Variants in TRMT44 observed in about 807,000 individuals in gnomAD.
TRMT44 encodes tRNA methyltransferase 44 homolog, also known as probable tRNA (uracil-O(2)-)-methyltransferase.
In TRMT44, 78 loss-of-function variants were observed where a neutral mutation model predicts 77.3. The ratio of observed to expected loss-of-function variants is 1.01; its 90% CI spans 0.84 to 1.22. TRMT44 has a LOEUF of 1.22. Among genes scored for constraint, TRMT44 ranks in the 50% most tolerant of loss-of-function variants. The probability of loss-of-function intolerance (pLI) is 0.00; values close to 1 mark genes in which losing one functional copy is unlikely to be tolerated. For missense variants in TRMT44, 1,090 were observed against 964.4 expected (o/e 1.13, Z -1.73); for synonymous variants, 391 against 383.3 (o/e 1.02, Z -0.23).
At chr4:8,514,685 A>G in the TRMT44 span, among the ~76,000 whole-genome samples, 1 of 152,150 alleles carries the variant, frequency 6.6e-6, no homozygotes, top group African/African-American at 2.4e-5. Context: ...GAGTGAGGTC[A>G]TGTTCTACAG....
intron 6 of TRMT44, among the ~76,000 whole-genome samples, chr4:8,460,714 G>T (rs950651467): frequency 6.6e-6 from 1 of 151,898 alleles, no homozygotes; most frequent in Admixed American, 6.6e-5. Context: ...CCACCACTAC[G>T]CCTGACTAAT....
chr4:8,474,722 C>A (rs933274060), intron 10 of TRMT44, among the ~76,000 whole-genome samples: 2 of 152,226 alleles, frequency 1.3e-5, no homozygotes, highest in Admixed American at 1.3e-4. Flanking sequence ...TTCCTAGCTT[C>A]CAGCGAGAAC....
rs755347902 is a variant in TRMT44 at position 8,468,225 on chromosome 4, C to T, written c.1806C>T (p.Ala602=). 26 of 1,614,084 alleles carry T rather than the reference C, an allele frequency of 1.6e-5. No homozygotes were observed. The highest frequency in any genetic ancestry group is 9.9e-5 in the South Asian group (9 of 91,086). The part of the protein sequence containing the change: ...REKAERVRNC[A]ALPRDFIDQV... ...AGGCTGAGCGTGTGAGGAACTGTGC[C>T]GCCCTGCCACGAGATTTTATTGACC... is the stretch of plus-strand genomic sequence containing the variant. Residue 602 remains alanine, a synonymous_variant, in exon 9 of 11, where the codon GCC becomes GCT. Coordinates refer to ENST00000389737, the MANE Select transcript of TRMT44 (RefSeq NM_152544.3).
At chr4:8,500,447 G>C in the TRMT44 span, among the ~76,000 whole-genome samples, 1 of 151,114 alleles carries the variant, frequency 6.6e-6, no homozygotes, top group Non-Finnish European at 1.5e-5. Flanking sequence ...TGTGAGCCAA[G>C]ATAATGCCAC....
At chr4:8,466,891 A>C (rs1264087671) in intron 8 of TRMT44, among the ~76,000 whole-genome samples, 1 of 152,202 alleles carries the variant, frequency 6.6e-6, no homozygotes, top group African/African-American at 2.4e-5. Flanking sequence ...TGTGACAGGC[A>C]CTGAGAATTT....
At chr4:8,462,449 G>A (rs532047555) in intron 6 of TRMT44, among the ~76,000 whole-genome samples, 4 of 152,066 alleles carry the variant, frequency 2.6e-5, no homozygotes, top group Non-Finnish European at 5.9e-5. Flanking sequence ...GCTCATGCCT[G>A]TAATCCCAGC....
downstream of TRMT44, among the ~76,000 whole-genome samples, chr4:8,495,810 T>C (rs558252810): frequency 6.6e-6 from 1 of 152,154 alleles, no homozygotes; most frequent in Non-Finnish European, 1.5e-5. Flanking sequence ...CAACCCCTCC[T>C]TTTTTTGCTG....
chr4:8,487,363 CAAG>C (rs1368333876), intron 2 of TRMT44, among the ~76,000 whole-genome samples: 1 of 151,480 alleles, frequency 6.6e-6, no homozygotes, highest in Non-Finnish European at 1.5e-5. Flanking sequence ...AGAGTAGAGA[CAAG>C]GAGGGAAGGG....
At position 8,444,369 on chromosome 4, in the gene TRMT44, G is replaced by T. The variant is rs1006862283; in HGVS notation, c.620-2107G>T. Among the ~76,000 whole-genome samples, 22 of 152,026 alleles carry T rather than the reference G, an allele frequency of 1.4e-4. No homozygotes were observed. Among genetic ancestry groups the T allele is most frequent in the Non-Finnish European group, 3.2e-4 (22 of 67,990 alleles). ...ACACCTAGTATATGATAGTCTAACA[G>T]GGGGATTATAATGAATAATAACTTA... On this transcript the variant is annotated intron_variant, in intron 1 of 10. Transcript: ENST00000389737. The surrounding 1 kb of genome is among the most constrained non-coding windows in gnomAD (Gnocchi z 4.0).
At position 8,444,948 on chromosome 4, in the gene TRMT44, G is replaced by T. The variant is rs1202346821; in HGVS notation, c.620-1528G>T. 1.3e-5 allele frequency among the ~76,000 whole-genome samples: 2 copies of T among 152,158 alleles called. No individual in the cohort carries two copies. Among genetic ancestry groups the T allele is most frequent in the Non-Finnish European group, 2.9e-5 (2 of 68,042 alleles). ...CGACAACAGTGACAGCAGATTTGGG[G>T]TTGCCACACTGGGCAGGGAGGGAGA... On this transcript the variant is annotated intron_variant, in intron 1 of 10. Coordinates refer to ENST00000389737, the MANE Select transcript of TRMT44 (RefSeq NM_152544.3). The surrounding 1 kb of genome is among the most constrained non-coding windows in gnomAD (Gnocchi z 4.0).
intron 6 of TRMT44, 31 bp from the exon 7 acceptor site, chr4:8,463,954 A>T (rs1726345634): frequency 1.9e-6 from 3 of 1,590,014 alleles, no homozygotes; most frequent in Middle Eastern, 3.3e-4. Flanking sequence ...TGATTCACAA[A>T]ACATTTCGTC....
chr4:8,489,147 G>A (rs1727914485), intron 2 of TRMT44, among the ~76,000 whole-genome samples: 1 of 152,220 alleles, frequency 6.6e-6, no homozygotes, highest in Non-Finnish European at 1.5e-5. Flanking sequence ...CCTGGCTCCT[G>A]CAGTGCCCTG....
At chr4:8,450,218 G>C (rs997932759) in intron 3 of TRMT44, among the ~76,000 whole-genome samples, 1 of 151,844 alleles carries the variant, frequency 6.6e-6, no homozygotes, top group Non-Finnish European at 1.5e-5. Flanking sequence ...TTACAGGTGT[G>C]AGCCACCGTG....
downstream of TRMT44, chr4:8,477,679 T>A (rs1727460993): frequency 6.6e-6 from 1 of 152,652 alleles, no homozygotes; most frequent in Admixed American, 6.5e-5. Flanking sequence ...CCGTGAGGCA[T>A]CTTCCTGCCA....
downstream of TRMT44, among the ~76,000 whole-genome samples, chr4:8,479,947 G>A (rs527665058): frequency 6.6e-6 from 1 of 151,846 alleles, no homozygotes; most frequent in East Asian, 1.9e-4. Context: ...GCGCCATCTC[G>A]GCTCACTACA....
In TRMT44 at chr4:8,464,057, G is replaced by A; in HGVS notation, c.1276G>A (p.Glu426Lys). The A allele has an allele frequency of 1.9e-6, 3 of 1,614,040 alleles. No individual in the cohort carries two copies. The highest frequency in any genetic ancestry group is 2.5e-6 in the Non-Finnish European group (3 of 1,179,978). ...TTGGTTAATCGGTAACCATTCTGAT[G>A]AACTCACACCATGGATACCTGTCAT... The part of the protein sequence containing the change: ...VDWLIGNHSD[E>K]LTPWIPVIAA... The change falls in exon 7 of 11, where the codon GAA (glutamate) becomes AAA (lysine). Residue 426 changes from glutamate (E) to lysine (K), a missense_variant. Glu to Lys is a moderately conservative substitution (Grantham distance 56, BLOSUM62 1). Coordinates refer to ENST00000389737, the MANE Select transcript of TRMT44 (RefSeq NM_152544.3).
the TRMT44 span, among the ~76,000 whole-genome samples, chr4:8,500,220 G>A: frequency 5.2e-3 from 790 of 151,972 alleles, 1 homozygote; most frequent in Admixed American, 6.3e-3. Flanking sequence ...AGCTGGGTGC[G>A]GTGGCTCATG....
intron 1 of TRMT44, among the ~76,000 whole-genome samples, chr4:8,443,821 G>A (rs1377783994): frequency 1.3e-5 from 2 of 152,226 alleles, no homozygotes; most frequent in South Asian, 2.1e-4. Flanking sequence ...TTAGCCAGGC[G>A]TAGTGGCAGG....
intron 3 of TRMT44, among the ~76,000 whole-genome samples, chr4:8,450,792 G>T (rs1167961017): frequency 4.9e-4 from 47 of 96,646 alleles, no homozygotes; most frequent in South Asian, 1.9e-3. Context: ...TCATTTCCAT[G>T]TTTTTTTTTT....
Sources: allele counts gnomAD v4.1 joint callset (sites outside exome capture counted in the v4.1 genomes callset), GRCh38; gene constraint gnomAD v4.1.1; non-coding constraint Gnocchi (gnomAD v3.1); transcripts MANE v1.5; gene names NCBI Gene and HGNC (gene_info 2026-07-23, HGNC 2026-07-21).